The following DNAJB12 variants were observed in gnomAD, a reference collection of about 807,000 sequenced individuals.
DNAJB12 encodes DnaJ heat shock protein family (Hsp40) member B12, also known as dnaJ homolog subfamily B member 12.
In DNAJB12, 14 loss-of-function variants were observed where a neutral mutation model predicts 40.6. That is an observed-to-expected ratio of 0.34 (90% CI 0.23 to 0.54). The LOEUF (loss-of-function observed/expected upper bound fraction) is 0.54. DNAJB12 is among the 20% of genes least tolerant of loss of function. The probability of loss-of-function intolerance (pLI) is 0.92; values close to 1 mark genes in which losing one functional copy is unlikely to be tolerated. For missense variants in DNAJB12, 444 were observed against 501.7 expected, an observed-to-expected ratio of 0.89 and a Z score of 1.10; for synonymous variants, 181 against 199.5, an observed-to-expected ratio of 0.91 and a Z score of 0.78.
At chr10:72,351,786 C>T (rs1177733049) in intron 1 of DNAJB12, among the ~76,000 whole-genome samples, 6 of 152,250 alleles carry the variant, frequency 3.9e-5, no homozygotes, top group Admixed American at 6.5e-5. Flanking sequence ...AGGGAACAGA[C>T]GATACCACAC....
chr10:72,352,434 A>G (rs1276487191), intron 1 of DNAJB12, among the ~76,000 whole-genome samples: 1 of 152,138 alleles, frequency 6.6e-6, no homozygotes, highest in Non-Finnish European at 1.5e-5. Context: ...CACAATTCAA[A>G]TGTTAACTCC....
chr10:72,336,124 T>C (rs1036344620), intron 7 of DNAJB12, among the ~76,000 whole-genome samples, 193 bp from the exon 8 acceptor site: 13 of 152,128 alleles, frequency 8.5e-5, no homozygotes, highest in Non-Finnish European at 1.6e-4. Context: ...CAGAGGCGCC[T>C]TTCTCTAGAA....
intron 1 of DNAJB12, among the ~76,000 whole-genome samples, chr10:72,347,690 C>T (rs968638462): frequency 3.9e-5 from 6 of 152,034 alleles, no homozygotes; most frequent in Admixed American, 2.0e-4. Context: ...CCGAGGCGGG[C>T]GAATCACAAG....
rs368590288 is a variant in DNAJB12 at position 72,335,975 on chromosome 10, C to A, written c.1007-44G>T. 3.9e-5 allele frequency: 62 copies of A among 1,608,016 alleles called. No homozygotes were observed. Among genetic ancestry groups the A allele is most frequent in the Admixed American group, 1.8e-4 (11 of 59,752 alleles). On this transcript the variant is annotated intron_variant, in intron 7 of 8. Transcript: ENST00000444643. The surrounding 1 kb of genome is among the most constrained non-coding windows in gnomAD (Gnocchi z 4.4). ...GGGTTAGTGCACACCCAGTACCTCC[C>A]GAAGCCTGCAAGGAAGCCTGCGAGG...
In DNAJB12 at chr10:72,333,531, G is replaced by T. The variant is rs1453396155; in HGVS notation, c.*1117C>A. 6.6e-6 allele frequency: 1 copy of T among 150,580 alleles called. No individual in the cohort carries two copies. Among genetic ancestry groups the T allele is most frequent in the South Asian group, 2.1e-4 (1 of 4,816 alleles). 9.3% of individuals were successfully genotyped at this position (150,580 alleles called of 1,614,324 possible). A position where few individuals can be genotyped will look rare whatever the true frequency, so the allele number is the denominator to read the frequency against. On this transcript the variant is annotated 3_prime_UTR_variant, in exon 9 of 9. Coordinates refer to ENST00000444643, the MANE Select transcript of DNAJB12 (RefSeq NM_017626.7). ...GTCGAGGAGGCTGCCCTGGGGTCCC[G>T]GCACCACTGACTGACTCGGAGGAAG...
In DNAJB12 at chr10:72,341,001, G is replaced by A. The variant is rs202089929; in HGVS notation, c.627C>T (p.Gly209=). Reference sequence around the variant, plus strand: ...GGAACTTACTAGAAGGGAAGCCGCCGCCAAAGAACATGTTGAAGAGGTCTT... The same window carrying A: ...GGAACTTACTAGAAGGGAAGCCGCCACCAAAGAACATGTTGAAGAGGTCTT... ...SPEDLFNMFF[G]GGFPSSNVHV... is the part of the protein sequence containing the mutation. Residue 209 remains glycine (G), a synonymous_variant, in exon 4 of 9, where the codon GGC becomes GGT. Coordinates refer to ENST00000444643, the MANE Select transcript of DNAJB12 (RefSeq NM_017626.7). The A allele has an allele frequency of 1.7e-5, 28 of 1,613,482 alleles. No homozygotes were observed. The highest frequency in any genetic ancestry group is 1.3e-4 in the East Asian group (6 of 44,858).
At chr10:72,342,119 A>G (rs988737322) in intron 3 of DNAJB12, among the ~76,000 whole-genome samples, 1 of 152,198 alleles carries the variant, frequency 6.6e-6, no homozygotes, top group Non-Finnish European at 1.5e-5. Flanking sequence ...TCGGGGCTCT[A>G]TGGAGACTCC....
chr10:72,340,214 C>G (rs566379436), intron 5 of DNAJB12, among the ~76,000 whole-genome samples: 2 of 151,678 alleles, frequency 1.3e-5, no homozygotes, highest in South Asian at 2.1e-4. Context: ...GGTGGTGGCA[C>G]GCACCCGTAA....
rs111276924 is a variant in DNAJB12 at position 72,341,207 on chromosome 10, T to C, written c.458-37A>G. 1,743 of 1,581,768 alleles carry C rather than the reference T, an allele frequency of 1.1e-3. 10 individuals are homozygous for C. In the Middle Eastern group the frequency reaches 0.014, roughly 12 times the overall value. ...GAGGAAAGGTCAGGCCTGAGGATCC[T>C]GGGGTGCGGGGGGAGGCTCCCATGG... On this transcript the variant is annotated intron_variant, in intron 3 of 8. Coordinates refer to ENST00000444643, the MANE Select transcript of DNAJB12 (RefSeq NM_017626.7).
chr10:72,333,068 C>T lies in DNAJB12; in HGVS notation c.*1580G>A, dbSNP rs1346661901. 2 of 152,588 alleles carry T rather than the reference C, an allele frequency of 1.3e-5. No homozygotes were observed. Among genetic ancestry groups the T allele is most frequent in the Admixed American group, 1.3e-4 (2 of 15,266 alleles). 9.5% of individuals were successfully genotyped at this position (152,588 alleles called of 1,614,324 possible). ...TCTCTCTGGGCTGAAGTGGCTGCTT[C>T]ATTGCAGGGTTGGACCTTGTTTAAA... On this transcript the variant is annotated 3_prime_UTR_variant, in exon 9 of 9. Coordinates refer to ENST00000444643, the MANE Select transcript of DNAJB12 (RefSeq NM_017626.7).
chr10:72,341,879 T>TGGGAG (rs1408071732), intron 3 of DNAJB12, among the ~76,000 whole-genome samples: 2 of 152,248 alleles, frequency 1.3e-5, no homozygotes, highest in Non-Finnish European at 2.9e-5. Context: ...GTTACAGAGC[T>TGGGAG]GGGAGTCAAA....
intron 1 of DNAJB12, among the ~76,000 whole-genome samples, chr10:72,345,551 C>G (rs1458277774): frequency 1.5e-5 from 2 of 131,286 alleles, no homozygotes; most frequent in Non-Finnish European, 3.1e-5. Flanking sequence ...GCCTGGGTGA[C>G]AGAGTGAGAC....
Position 72,341,068 on chromosome 10 carries a change from T to G in DNAJB12, c.560A>C (p.His187Pro), listed in dbSNP as rs753403780. 1.2e-6 allele frequency: 2 copies of G among 1,614,054 alleles called. No individual in the cohort carries two copies. The highest frequency in any genetic ancestry group is 4.5e-5 in the East Asian group (2 of 44,892). The change falls in exon 4 of 9, where the codon CAT (histidine) becomes CCT (proline). Residue 187 changes from histidine (H) to proline (P), a missense_variant. His to Pro is a moderately conservative substitution (Grantham distance 77, BLOSUM62 -2). Coordinates refer to ENST00000444643, the MANE Select transcript of DNAJB12 (RefSeq NM_017626.7). ...KSQAARHGHG[H>P]GDFHRGFEAD... ...CTCAAAGCCACGGTGGAAATCCCCA[T>G]GCCCATGGCCGTGCCGGGCCGCCTG...
chr10:72,335,574 G>A lies in DNAJB12; in HGVS notation c.*30+206C>T. The A allele has an allele frequency of 2.2e-6, 3 of 1,355,168 alleles. No individual in the cohort carries two copies. Among genetic ancestry groups the A allele is most frequent in the Admixed American group, 3.2e-5 (1 of 31,274 alleles). 83.9% of individuals were successfully genotyped at this position (1,355,168 alleles called of 1,614,324 possible). On this transcript the variant is annotated intron_variant, in intron 8 of 8. Coordinates refer to ENST00000444643, the MANE Select transcript of DNAJB12 (RefSeq NM_017626.7). This position sits in a 1 kb window ranked among gnomAD's most constrained non-coding sequence, Gnocchi z 4.4. ...GGGAGCAGAGCGGAGGAGTGGGGAG[G>A]ACAGCATCGCTAGAGGGCGGAAACC...
chr10:72,335,573 G>A lies in DNAJB12; in HGVS notation c.*30+207C>T. On this transcript the variant is annotated intron_variant, in intron 8 of 8. Coordinates refer to ENST00000444643, the MANE Select transcript of DNAJB12 (RefSeq NM_017626.7). This position sits in a 1 kb window ranked among gnomAD's most constrained non-coding sequence, Gnocchi z 4.4. ...AGGGAGCAGAGCGGAGGAGTGGGGA[G>A]GACAGCATCGCTAGAGGGCGGAAAC... 1 of 1,354,212 alleles carries A rather than the reference G, an allele frequency of 7.4e-7. No individual in the cohort carries two copies. Among genetic ancestry groups the A allele is most frequent in the Non-Finnish European group, 9.5e-7 (1 of 1,049,168 alleles). 83.9% of individuals were successfully genotyped at this position (1,354,212 alleles called of 1,614,324 possible). A position where few individuals can be genotyped will look rare whatever the true frequency, so the allele number is the denominator to read the frequency against.
chr10:72,340,860 G>C lies in DNAJB12; in HGVS notation c.652C>G (p.His218Asp). Residue 218 changes from histidine to aspartate, a missense_variant, in exon 5 of 9, where the codon CAC becomes GAC. Physicochemically the swap from His to Asp is moderately conservative, Grantham distance 81. Transcript: ENST00000444643. Reference sequence around the variant, plus strand: ...CGCATGCGGCCGTTGCTGTAGACGTGGACGTTACCTGGGGGTCAGAGGGGC... The same window carrying C: ...CGCATGCGGCCGTTGCTGTAGACGTCGACGTTACCTGGGGGTCAGAGGGGC... ...FGGGFPSSNV[H>D]VYSNGRMRYT... The C allele has an allele frequency of 6.2e-7, 1 of 1,614,068 alleles. No individual in the cohort carries two copies. The highest frequency in any genetic ancestry group is 8.5e-7 in the Non-Finnish European group (1 of 1,179,974).
At chr10:72,337,413 A>G (rs1156530429) in intron 6 of DNAJB12, among the ~76,000 whole-genome samples, 1 of 152,188 alleles carries the variant, frequency 6.6e-6, no homozygotes. Context: ...ACCCCACTGA[A>G]GATGTGCACC....
chr10:72,336,738 T>C (rs745349180), intron 6 of DNAJB12, 42 bp from the exon 7 acceptor site: 3 of 1,583,424 alleles, frequency 1.9e-6, no homozygotes, highest in East Asian at 2.2e-5. Context: ...CGGGTCCCCA[T>C]GCCCAGGGCA....
At chr10:72,341,473 TGTTTA>T (rs1861639062) in intron 3 of DNAJB12, among the ~76,000 whole-genome samples, 1 of 152,180 alleles carries the variant, frequency 6.6e-6, no homozygotes, top group African/African-American at 2.4e-5. Context: ...TCTTTTTGTT[TGTTTA>T]TTTTATTTTT....
Sources: gnomAD v4.1 joint callset for allele counts (sites outside exome capture counted in the v4.1 genomes callset) on GRCh38, gnomAD v4.1.1 for gene constraint, Gnocchi (gnomAD v3.1) non-coding constraint, MANE v1.5 for transcripts, NCBI Gene and HGNC (gene_info 2026-07-23, HGNC 2026-07-21) for gene names.